Variants in TSHZ2 observed in about 807,000 individuals in gnomAD.
The protein encoded by TSHZ2 is teashirt zinc finger homeobox 2.
A neutral mutation model predicts 74.4 loss-of-function variants in TSHZ2; 21 were observed. That is an observed-to-expected ratio of 0.28 (90% CI 0.20 to 0.41). The LOEUF (loss-of-function observed/expected upper bound fraction) is 0.41. Among genes scored for constraint, TSHZ2 ranks in the 10% least tolerant of loss-of-function variants. The pLI, the probability that TSHZ2 is intolerant of heterozygous loss-of-function variation, is 1.00. For synonymous variants in TSHZ2, 540 were observed against 515.3 expected, an observed-to-expected ratio of 1.05 and a Z score of -0.65; for missense variants, 1,244 against 1,293.5, an observed-to-expected ratio of 0.96 and a Z score of 0.59.
chr20:53,483,601 AAAC>A lies in TSHZ2; in HGVS notation c.*9-3538_*9-3536del, dbSNP rs1301091495. On this transcript the variant is annotated intron_variant, in intron 2 of 2. Transcript: ENST00000371497. ...ATCTGTCATGAAGGTATTTTTCAGC[AAAC>A]AACACTCAGGTATATTTGTGAATCT... Among the ~76,000 whole-genome samples the A allele has an allele frequency of 2.6e-5, 4 of 152,192 alleles. No homozygotes were observed. The East Asian group carries it at 7.7e-4, about 29-fold the overall frequency.
chr20:53,269,110 G>A (rs1990776630), intron 2 of TSHZ2, among the ~76,000 whole-genome samples: 1 of 152,146 alleles, frequency 6.6e-6, no homozygotes, highest in South Asian at 2.1e-4. Flanking sequence ...TTGTGTTGAG[G>A]ATTAGGTCAG....
intron 2 of TSHZ2, among the ~76,000 whole-genome samples, chr20:53,335,076 C>T (rs1318738573): frequency 6.6e-6 from 1 of 152,190 alleles, no homozygotes; most frequent in African/African-American, 2.4e-5. Flanking sequence ...GTTGCAATAA[C>T]CCAGGTGAGA....
intron 1 of TSHZ2, among the ~76,000 whole-genome samples, chr20:53,095,954 T>C (rs150013601): frequency 4.6e-5 from 7 of 152,200 alleles, no homozygotes; most frequent in East Asian, 1.9e-4. Flanking sequence ...CATTTCAGCA[T>C]TGGGTTTGAA....
At chr20:53,393,176 A>G (rs980720488) in intron 2 of TSHZ2, among the ~76,000 whole-genome samples, 4 of 152,084 alleles carry the variant, frequency 2.6e-5, no homozygotes, top group Admixed American at 2.6e-4. Context: ...TCCACCCTCA[A>G]ATATGCTTCG....
At chr20:53,009,665 G>A (rs1982780397) in intron 1 of TSHZ2, among the ~76,000 whole-genome samples, 1 of 152,094 alleles carries the variant, frequency 6.6e-6, no homozygotes, top group African/African-American at 2.4e-5. Context: ...AACTTTTTTA[G>A]CCCCAAAGTT....
At chr20:53,119,180 T>C (rs1986744823) in intron 1 of TSHZ2, among the ~76,000 whole-genome samples, 1 of 152,180 alleles carries the variant, frequency 6.6e-6, no homozygotes, top group Non-Finnish European at 1.5e-5. Flanking sequence ...CAGTGAGGTA[T>C]TCATCGAGTC....
intron 2 of TSHZ2, among the ~76,000 whole-genome samples, chr20:53,441,143 T>C (rs1411632386): frequency 6.6e-6 from 1 of 152,246 alleles, no homozygotes; most frequent in African/African-American, 2.4e-5. Context: ...ATCTGGAAAG[T>C]TGTTCTATCT....
At chr20:53,112,497 G>A (rs1446868712) in intron 1 of TSHZ2, among the ~76,000 whole-genome samples, 1 of 151,936 alleles carries the variant, frequency 6.6e-6, no homozygotes, top group Non-Finnish European at 1.5e-5. Flanking sequence ...TTCAGATTAG[G>A]GATAATCCTA....
At chr20:53,360,592 G>A (rs769022887) in intron 2 of TSHZ2, among the ~76,000 whole-genome samples, 17 of 152,152 alleles carry the variant, frequency 1.1e-4, no homozygotes, top group Middle Eastern at 3.2e-3. Context: ...ATTTTTGTCA[G>A]GGTTTTAATA....
At chr20:53,210,338 G>C (rs919891512) in intron 1 of TSHZ2, among the ~76,000 whole-genome samples, 2 of 152,100 alleles carry the variant, frequency 1.3e-5, no homozygotes, top group Non-Finnish European at 2.9e-5. Context: ...AGGGAAAATC[G>C]GGCCACATGT....
At chr20:53,016,374 G>A (rs1401434399) in intron 1 of TSHZ2, among the ~76,000 whole-genome samples, 2 of 152,192 alleles carry the variant, frequency 1.3e-5, no homozygotes, top group Non-Finnish European at 2.9e-5. Flanking sequence ...TTCACCATGA[G>A]CTGGTGCAGT....
chr20:53,223,893 G>A (rs1989621198), intron 1 of TSHZ2, among the ~76,000 whole-genome samples: 1 of 106,710 alleles, frequency 9.4e-6, no homozygotes, highest in South Asian at 3.4e-4. Flanking sequence ...AATGTTACAG[G>A]ACTAAACACA....
At chr20:53,307,119 G>A (rs1392242644) in intron 2 of TSHZ2, among the ~76,000 whole-genome samples, 5 of 151,774 alleles carry the variant, frequency 3.3e-5, no homozygotes, top group African/African-American at 1.2e-4. Context: ...CTGAGTGCGG[G>A]TAAATGACCA....
intron 2 of TSHZ2, among the ~76,000 whole-genome samples, chr20:53,408,474 T>C (rs540901171): frequency 8.5e-5 from 13 of 152,288 alleles, no homozygotes; most frequent in African/African-American, 3.1e-4. Context: ...CCTAGTAGGA[T>C]AGGCAAGAAG....
chr20:53,266,408 C>T (rs961622668), intron 2 of TSHZ2, among the ~76,000 whole-genome samples: 2 of 152,208 alleles, frequency 1.3e-5, no homozygotes, highest in African/African-American at 4.8e-5. Context: ...TAACTGTACA[C>T]TCAAGCTCTG....
At chr20:52,997,514 C>T (rs1325935557) in intron 1 of TSHZ2, among the ~76,000 whole-genome samples, 2 of 152,018 alleles carry the variant, frequency 1.3e-5, no homozygotes, top group Non-Finnish European at 2.9e-5. Flanking sequence ...TATTGCATCT[C>T]AAAGATGATC....
At chr20:53,188,333 G>A (rs1334859959) in intron 1 of TSHZ2, among the ~76,000 whole-genome samples, 1 of 152,162 alleles carries the variant, frequency 6.6e-6, no homozygotes, top group Non-Finnish European at 1.5e-5. Flanking sequence ...GCTCCTAACT[G>A]GGAGTCGATC....
At chr20:53,171,614 G>A (rs1037802957) in intron 1 of TSHZ2, among the ~76,000 whole-genome samples, 3 of 151,444 alleles carry the variant, frequency 2.0e-5, no homozygotes, top group Non-Finnish European at 2.9e-5. Context: ...TAAAATTTTT[G>A]TGAGGGTGTT....
At chr20:53,186,478 T>C (rs1988601584) in intron 1 of TSHZ2, among the ~76,000 whole-genome samples, 1 of 152,112 alleles carries the variant, frequency 6.6e-6, no homozygotes, top group Non-Finnish European at 1.5e-5. Context: ...CTGCAAGTAA[T>C]AGTTTGAGGG....
Sources: allele counts gnomAD v4.1 joint callset (sites outside exome capture counted in the v4.1 genomes callset), GRCh38; gene constraint gnomAD v4.1.1; transcripts MANE v1.5; gene names NCBI Gene and HGNC (gene_info 2026-07-23, HGNC 2026-07-21).